The following CNTROB variants were observed in gnomAD, a reference collection of about 807,000 sequenced individuals.
CNTROB encodes the protein centrobin.
A neutral mutation model predicts 115.7 loss-of-function variants in CNTROB; 82 were observed. The ratio of observed to expected loss-of-function variants is 0.71; its 90% CI spans 0.59 to 0.85. CNTROB has a LOEUF of 0.85. Among genes scored for constraint, CNTROB ranks in the 40% least tolerant of loss-of-function variants. The pLI, the probability that CNTROB is intolerant of heterozygous loss-of-function variation, is 0.00. For missense variants in CNTROB, 1,014 were observed against 1,144.4 expected (o/e 0.89, Z 1.64); for synonymous variants, 439 against 456.4 (o/e 0.96, Z 0.49).
Position 7,949,122 on chromosome 17 carries a change from A to C in CNTROB, c.2551A>C (p.Thr851Pro). The change falls in exon 18 of 19, where the codon ACA becomes CCA. Residue 851 changes from threonine to proline, a missense_variant. Transcript: ENST00000563694. ...AGGGGATAATGTCCCCAGAAGGAAC[A>C]CAGACTCCCGCTTGGGTGAGATCCC... Reference protein sequence around the residue: ...GRGDNVPRRNTDSRLGEIPRK... With the variant: ...GRGDNVPRRNPDSRLGEIPRK... 1 of 1,614,178 alleles carries C rather than the reference A, an allele frequency of 6.2e-7. No homozygotes were observed. The highest frequency in any genetic ancestry group is 8.5e-7 in the Non-Finnish European group (1 of 1,180,018).
At position 7,949,685 on chromosome 17, in the gene CNTROB, A is replaced by G. The variant is rs1408857899; in HGVS notation, c.*175A>G. The G allele has an allele frequency of 3.7e-6, 2 of 539,316 alleles. No homozygotes were observed. Among genetic ancestry groups the G allele is most frequent in the African/African-American group, 2.0e-5 (1 of 51,082 alleles). The allele number at this position is 539,316 out of a possible 1,614,324, so 33.4% of individuals were successfully genotyped here. A position where few individuals can be genotyped will look rare whatever the true frequency, so the allele number is the denominator to read the frequency against. On this transcript the variant is annotated 3_prime_UTR_variant, in exon 19 of 19. Coordinates refer to ENST00000563694, the MANE Select transcript of CNTROB (RefSeq NM_053051.5). ...TACTTTTTTTATATGTTACATGTTT[A>G]TATGTCATTTCCTGTGGGAAAAGAC...
In CNTROB at chr17:7,939,752, A is replaced by T. The variant is rs752626540; in HGVS notation, c.1164+3A>T. 6.2e-7 allele frequency: 1 copy of T among 1,613,500 alleles called. No individual in the cohort carries two copies. The highest frequency in any genetic ancestry group is 8.5e-7 in the Non-Finnish European group (1 of 1,179,600). ...AGGCTCAGCTGGAAAGGGAGAAGGT[A>T]AAAGTGGCAGTTGGAAGAGCTGAGG... is the stretch of plus-strand genomic sequence containing the variant. On this transcript the variant is annotated splice_donor_region_variant and intron_variant, in intron 8 of 18. Coordinates refer to ENST00000563694, the MANE Select transcript of CNTROB (RefSeq NM_053051.5). The surrounding 1 kb of genome is among the most constrained non-coding windows in gnomAD (Gnocchi z 4.4).
rs117005561 is a variant in CNTROB at position 7,939,415 on chromosome 17, G to C, written c.928-98G>C. On this transcript the variant is annotated intron_variant, in intron 7 of 18. Coordinates refer to ENST00000563694, the MANE Select transcript of CNTROB (RefSeq NM_053051.5). This position sits in a 1 kb window ranked among gnomAD's most constrained non-coding sequence, Gnocchi z 4.4. Reference sequence around the variant, plus strand: ...GGCCTAATTATTGTGTTTTTAATGAGCATAATTCTCAGCAGGCACCTTGTA... The same window carrying C: ...GGCCTAATTATTGTGTTTTTAATGACCATAATTCTCAGCAGGCACCTTGTA... 0.015 allele frequency: 14,747 copies of C among 1,008,510 alleles called. 796 individuals are homozygous for C. The highest frequency in any genetic ancestry group is 0.13 in the South Asian group (8,663 of 68,020). 62.5% of individuals were successfully genotyped at this position (1,008,510 alleles called of 1,614,324 possible).
Position 7,932,774 on chromosome 17 carries a change from G to C in CNTROB, c.-306G>C. ...TTCCAGCACTCGTAGTCGGGAAGAG[G>C]AGCTTCAGCAGCGCTGTTGTCCCAC... On this transcript the variant is annotated 5_prime_UTR_variant, in exon 1 of 19. Transcript: ENST00000563694. 1 of 325,010 alleles carries C rather than the reference G, an allele frequency of 3.1e-6. No individual in the cohort carries two copies. The allele number at this position is 325,010 out of a possible 1,614,324, so 20.1% of individuals were successfully genotyped here.
chr17:7,938,865 G>A (rs1167708940), intron 7 of CNTROB, among the ~76,000 whole-genome samples: 4 of 151,844 alleles, frequency 2.6e-5, no homozygotes, highest in Admixed American at 6.6e-5. Context: ...TGCAACCTCC[G>A]CCTCCCAGGT....
Position 7,937,218 on chromosome 17 carries a change from G to T in CNTROB, c.883G>T (p.Glu295Ter). ...TGAGGCCATGGAGGCCCTGAATCGT[G>T]AGCAGGAAAGTGCCAGACTGCAGCA... ...LSEAMEALNREQESARLQQRE... is the reference protein window; with the variant it reads ...LSEAMEALNR Residue 295 changes from glutamate (E) to a stop codon, truncating the protein, a stop_gained, in exon 7 of 19, where the codon GAG becomes TAG. Transcript: ENST00000563694. LOFTEE classifies it high-confidence loss of function. The T allele has an allele frequency of 6.2e-7, 1 of 1,614,184 alleles. No homozygotes were observed. Among genetic ancestry groups the T allele is most frequent in the East Asian group, 2.2e-5 (1 of 44,888 alleles).
At chr17:7,937,840 T>G (rs1973369824) in intron 7 of CNTROB, among the ~76,000 whole-genome samples, 1 of 151,870 alleles carries the variant, frequency 6.6e-6, no homozygotes, top group African/African-American at 2.4e-5. Flanking sequence ...AATAAAGATT[T>G]CTGGGACTCA....
chr17:7,948,554 T>C lies in CNTROB; in HGVS notation c.2448T>C (p.Ala816=). ...EVSQLLRLYQ[A]RGWGALPAED... is the part of the protein sequence containing the mutation. ...CTCAACTGTTGCGACTCTACCAGGC[T>C]CGGGGCTGGGGGGCTCTGCCTGCTG... Residue 816 remains alanine (A), a synonymous_variant, in exon 17 of 19, where the codon GCT becomes GCC. Coordinates refer to ENST00000563694, the MANE Select transcript of CNTROB (RefSeq NM_053051.5). This position sits in a 1 kb window ranked among gnomAD's most constrained non-coding sequence, Gnocchi z 4.4. The C allele has an allele frequency of 6.2e-7, 1 of 1,614,054 alleles. No homozygotes were observed. The highest frequency in any genetic ancestry group is 1.3e-5 in the African/African-American group (1 of 74,980).
Position 7,945,588 on chromosome 17 carries a change from C to CG in CNTROB, c.1735-138dup, listed in dbSNP as rs372760055. 1.1e-3 allele frequency: 965 copies of CG among 874,908 alleles called. 10 individuals carry two copies. In the African/African-American group the frequency reaches 0.014, roughly 13 times the overall value. The allele number at this position is 874,908 out of a possible 1,614,324, so 54.2% of individuals were successfully genotyped here. A position where few individuals can be genotyped will look rare whatever the true frequency, so the allele number is the denominator to read the frequency against. On this transcript the variant is annotated intron_variant, in intron 12 of 18. Coordinates refer to ENST00000563694, the MANE Select transcript of CNTROB (RefSeq NM_053051.5). ...CCTGGTTCAAACTGCCAGCCTCAAA[C>CG]GGTCCTCCCAAAGTGTTGGGATTAC...
rs71159534 is a variant in CNTROB, at chr17:7,942,787, A to ATTTTTTTTT, written c.1312-580_1312-572dup. On this transcript the variant is annotated intron_variant, in intron 9 of 18. Coordinates refer to ENST00000563694, the MANE Select transcript of CNTROB (RefSeq NM_053051.5). Reference sequence around the variant, plus strand: ...GGCTTTCAGGTACTCTACTCAGGGTATTTTTTTTTTTTTTTTTTTTTTTTT... The same window carrying ATTTTTTTTT: ...GGCTTTCAGGTACTCTACTCAGGGTATTTTTTTTTTTTTTTTTTTTTTTTTTTTTTTTTT... 1.5e-3 allele frequency among the ~76,000 whole-genome samples: 52 copies of ATTTTTTTTT among 35,798 alleles called. 5 individuals are homozygous for ATTTTTTTTT. The highest frequency in any genetic ancestry group is 2.3e-3 in the Non-Finnish European group (46 of 19,990). The allele number at this position is 35,798 out of a possible 152,430, so 23.5% of individuals were successfully genotyped here.
intron 7 of CNTROB, among the ~76,000 whole-genome samples, chr17:7,937,999 G>A (rs1247434020): frequency 1.3e-4 from 10 of 76,128 alleles, no homozygotes; most frequent in Non-Finnish European, 2.1e-4. Context: ...GTTTCTTTTC[G>A]TGTTTTTTTT....
intron 13 of CNTROB, among the ~76,000 whole-genome samples, chr17:7,946,664 TC>T (rs1189669711): frequency 6.6e-6 from 1 of 151,876 alleles, no homozygotes; most frequent in Non-Finnish European, 1.5e-5. Flanking sequence ...TGCCAGGAGT[TC>T]CAGACCAGTC....
chr17:7,934,228 T>C lies in CNTROB; in HGVS notation c.355+6T>C. The C allele has an allele frequency of 6.2e-7, 1 of 1,612,120 alleles. No individual in the cohort carries two copies. The highest frequency in any genetic ancestry group is 8.5e-7 in the Non-Finnish European group (1 of 1,178,244). On this transcript the variant is annotated splice_donor_region_variant and intron_variant, in intron 2 of 18. Transcript: ENST00000563694. ...CTCACGTGATACAGCCTATCGTGAG[T>C]AAGCCCCTTCCCTAGAACTATGAAG... is the stretch of plus-strand genomic sequence containing the variant.
At position 7,934,119 on chromosome 17, in the gene CNTROB, C is replaced by G; in HGVS notation, c.271-19C>G. Reference sequence around the variant, plus strand: ...AGATAACACAGACTGCATCTGATTTCCATGTGGCTTTTTTCCAGGATGGTT... The same window carrying G: ...AGATAACACAGACTGCATCTGATTTGCATGTGGCTTTTTTCCAGGATGGTT... On this transcript the variant is annotated intron_variant, in intron 1 of 18. Transcript: ENST00000563694. 1 of 1,608,202 alleles carries G rather than the reference C, an allele frequency of 6.2e-7. No homozygotes were observed. Among genetic ancestry groups the G allele is most frequent in the Non-Finnish European group, 8.5e-7 (1 of 1,174,652 alleles).
In CNTROB at chr17:7,948,401, G is replaced by A; in HGVS notation, c.2380+74G>A. On this transcript the variant is annotated intron_variant, in intron 16 of 18. Transcript: ENST00000563694. This position sits in a 1 kb window ranked among gnomAD's most constrained non-coding sequence, Gnocchi z 4.4. The stretch of plus-strand genomic sequence containing the variant: ...TGTGGATCCAGTACAGGCACTTACA[G>A]TCCTTCTGAATTCCTGGGGAAATGG... 1.2e-6 allele frequency: 2 copies of A among 1,608,650 alleles called. No homozygotes were observed. The highest frequency in any genetic ancestry group is 2.2e-5 in the South Asian group (2 of 90,936).
At chr17:7,941,001 C>T (rs952483300) in intron 9 of CNTROB, among the ~76,000 whole-genome samples, 1 of 152,166 alleles carries the variant, frequency 6.6e-6, no homozygotes, top group Admixed American at 6.5e-5. Flanking sequence ...CTTATCTAAA[C>T]AGGCAATGGA....
rs1974716370 is a variant in CNTROB at position 7,947,693 on chromosome 17, C to G, written c.2116C>G (p.Leu706Val). 8 of 1,612,330 alleles carry G rather than the reference C, an allele frequency of 5.0e-6. No individual in the cohort carries two copies. Among genetic ancestry groups the G allele is most frequent in the Non-Finnish European group, 6.8e-6 (8 of 1,178,830 alleles). Residue 706 changes from leucine (L) to valine (V), a missense_variant, in exon 14 of 19, where the codon CTG (leucine) becomes GTG (valine). Physicochemically the swap from Leu to Val is conservative, Grantham distance 32 (BLOSUM62 1). Coordinates refer to ENST00000563694, the MANE Select transcript of CNTROB (RefSeq NM_053051.5). ...AAAGCAAGGGCTGCCGCCTGCTCAG[C>G]TGGAGGGCCTCAAGAATTTTTTGCA... ...LLKQGLPPAQ[L>V]EGLKNFLHQL...
chr17:7,946,586 G>A (rs1015108659), intron 13 of CNTROB, among the ~76,000 whole-genome samples: 1 of 152,174 alleles, frequency 6.6e-6, no homozygotes, highest in Non-Finnish European at 1.5e-5. Context: ...TGAGGGATGG[G>A]GCCGGGTGCA....
At chr17:7,936,309 G>A in intron 4 of CNTROB, 57 bp from the exon 5 acceptor site, 1 of 802,426 alleles carries the variant, frequency 1.2e-6, no homozygotes, top group Non-Finnish European at 2.3e-6. Flanking sequence ...TGGAAAGTTT[G>A]GTGCTGTGGT....
Sources: allele counts gnomAD v4.1 joint callset (sites outside exome capture counted in the v4.1 genomes callset), GRCh38; gene constraint gnomAD v4.1.1; non-coding constraint Gnocchi (gnomAD v3.1); transcripts MANE v1.5; gene names NCBI Gene and HGNC (gene_info 2026-07-23, HGNC 2026-07-21).